Variants in KALRN observed in about 807,000 individuals in gnomAD.
KALRN encodes the protein kalirin RhoGEF kinase.
In KALRN, 70 loss-of-function variants were observed where a neutral mutation model predicts 353.7. That is an observed-to-expected ratio of 0.20 (90% CI 0.16 to 0.24). KALRN has a LOEUF of 0.24. KALRN is among the 10% of genes least tolerant of loss of function. KALRN has a pLI of 1.00. For missense variants in KALRN, 2,791 were observed against 3,756.7 expected (o/e 0.74, Z 6.72); for synonymous variants, 1,391 against 1,434.8 (o/e 0.97, Z 0.69).
intron 34 of KALRN, among the ~76,000 whole-genome samples, chr3:124,630,788 A>G (rs571036676): frequency 3.6e-4 from 55 of 152,308 alleles, no homozygotes; most frequent in African/African-American, 1.3e-3. Flanking sequence ...GAAAATAGTC[A>G]ATATATGGCA....
At chr3:124,179,595 G>A (rs868664511) in intron 1 of KALRN, among the ~76,000 whole-genome samples, 13 of 152,222 alleles carry the variant, frequency 8.5e-5, no homozygotes, top group Admixed American at 7.2e-4. Flanking sequence ...GTACATAATT[G>A]TATGTGTTAT....
At chr3:124,461,570 C>G (rs944894832) in intron 23 of KALRN, among the ~76,000 whole-genome samples, 20 of 151,878 alleles carry the variant, frequency 1.3e-4, no homozygotes, top group African/African-American at 1.9e-4. Flanking sequence ...GTCCTACATG[C>G]CTGTACTCAC....
intron 33 of KALRN, among the ~76,000 whole-genome samples, chr3:124,538,681 C>G (rs115145152): frequency 6.6e-6 from 1 of 152,086 alleles, no homozygotes; most frequent in Non-Finnish European, 1.5e-5. Context: ...TTCAGAATGA[C>G]GACCCTGTAG....
At chr3:124,674,176 T>C (rs2086865429) in intron 48 of KALRN, among the ~76,000 whole-genome samples, 188 bp from the exon 49 acceptor site, 1 of 152,148 alleles carries the variant, frequency 6.6e-6, no homozygotes, top group Non-Finnish European at 1.5e-5. Flanking sequence ...TGTTGAAACA[T>C]TGCTATTAAA....
At chr3:124,224,156 G>GTTT (rs199787944) in intron 1 of KALRN, among the ~76,000 whole-genome samples, 51 of 133,116 alleles carry the variant, frequency 3.8e-4, no homozygotes, top group African/African-American at 1.3e-3. Flanking sequence ...CCCTGATTTT[G>GTTT]TTTTTTTTTT....
chr3:124,237,123 T>C (rs902298333), intron 3 of KALRN, among the ~76,000 whole-genome samples: 1 of 152,226 alleles, frequency 6.6e-6, no homozygotes, highest in Non-Finnish European at 1.5e-5. Flanking sequence ...AAGTTTGGGG[T>C]AGGAAAACTG....
intron 21 of KALRN, among the ~76,000 whole-genome samples, chr3:124,452,160 A>G (rs1488095361): frequency 2.0e-5 from 3 of 152,168 alleles, no homozygotes; most frequent in African/African-American, 7.2e-5. Flanking sequence ...ATGTATAAGA[A>G]ACCATTTCAG....
At chr3:124,341,611 G>A (rs183190950) in intron 9 of KALRN, among the ~76,000 whole-genome samples, 1 of 152,306 alleles carries the variant, frequency 6.6e-6, no homozygotes, top group East Asian at 1.9e-4. Flanking sequence ...TACAGTGGGA[G>A]TGTAGAGCAG....
intron 1 of KALRN, chr3:124,094,739 G>C: frequency 1.0e-6 from 1 of 983,300 alleles, no homozygotes; most frequent in Non-Finnish European, 1.6e-6. Flanking sequence ...CAGGCTGTGT[G>C]CGAGCCCAGC....
chr3:124,707,420 TC>T (rs2062680847), intron 57 of KALRN, among the ~76,000 whole-genome samples: 2 of 150,388 alleles, frequency 1.3e-5, no homozygotes, highest in South Asian at 4.3e-4. Flanking sequence ...CTTCCTTCCT[TC>T]CTTCCTTCCT....
At chr3:124,513,489 T>C (rs570038566) in intron 33 of KALRN, among the ~76,000 whole-genome samples, 187 of 152,180 alleles carry the variant, frequency 1.2e-3, no homozygotes, top group African/African-American at 4.3e-3. Context: ...AGCAGCAAGC[T>C]TTTAAACAGG....
intron 14 of KALRN, 46 bp downstream of exon 14, chr3:124,413,711 A>T (rs1263431485): frequency 6.7e-7 from 1 of 1,496,084 alleles, no homozygotes; most frequent in African/African-American, 1.4e-5. Context: ...TGATGAAAAC[A>T]AGCATACCAT....
chr3:124,093,930 G>A (rs546211745), intron 1 of KALRN, among the ~76,000 whole-genome samples: 1 of 152,288 alleles, frequency 6.6e-6, no homozygotes, highest in African/African-American at 2.4e-5. Context: ...CCTGGGGATA[G>A]AAAACCGTGG....
intron 1 of KALRN, among the ~76,000 whole-genome samples, chr3:124,126,039 AGGTTG>A (rs1276426618): frequency 1.3e-5 from 2 of 152,198 alleles, no homozygotes; most frequent in Non-Finnish European, 2.9e-5. Flanking sequence ...TTCTGACTCT[AGGTTG>A]CCTTTTAGGA....
Position 124,314,063 on chromosome 3 carries a change from C to T in KALRN, c.1093-11917C>T, listed in dbSNP as rs746811353. Among the ~76,000 whole-genome samples, 7 of 151,946 alleles carry T rather than the reference C, an allele frequency of 4.6e-5. No homozygotes were observed. In the South Asian group the frequency reaches 6.2e-4, roughly 14 times the overall value. The stretch of plus-strand genomic sequence containing the variant: ...GACACATGCACACGTATGTTTATTG[C>T]GGCACTATTCACCATAGCAAAGACT... On this transcript the variant is annotated intron_variant, in intron 6 of 59. Transcript: ENST00000682506.
chr3:124,667,263 G>A (rs1158741659), intron 47 of KALRN, 80 bp downstream of exon 47: 3 of 1,260,812 alleles, frequency 2.4e-6, no homozygotes, highest in Non-Finnish European at 3.3e-6. Flanking sequence ...CTAGGTTCAT[G>A]TTGAGTTATG....
At chr3:124,706,398 G>A (rs1054887823) in intron 57 of KALRN, among the ~76,000 whole-genome samples, 13 of 152,174 alleles carry the variant, frequency 8.5e-5, no homozygotes, top group African/African-American at 2.4e-4. Flanking sequence ...CACCCTCTAG[G>A]CAGAAAGCAG....
chr3:124,563,193 T>A (rs1410869747), intron 34 of KALRN, 104 bp downstream of exon 34: 2 of 1,208,800 alleles, frequency 1.7e-6, no homozygotes, highest in Non-Finnish European at 2.2e-6. Flanking sequence ...CACAGACCCA[T>A]TTTTACCCTG....
chr3:124,697,076 T>A (rs1339000906), intron 54 of KALRN, among the ~76,000 whole-genome samples: 1 of 152,178 alleles, frequency 6.6e-6, no homozygotes, highest in Non-Finnish European at 1.5e-5. Context: ...TGTGCCACCA[T>A]GCCCAGCTCA....
Sources: gnomAD v4.1 joint callset for allele counts (sites outside exome capture counted in the v4.1 genomes callset) on GRCh38, gnomAD v4.1.1 for gene constraint, MANE v1.5 for transcripts, NCBI Gene and HGNC (gene_info 2026-07-23, HGNC 2026-07-21) for gene names.